Variants in MAPK13 observed in about 807,000 individuals in gnomAD.
MAPK13 encodes MAP kinase 13.
In MAPK13, 39 loss-of-function variants were observed where a neutral mutation model predicts 53.5. That is an observed-to-expected ratio of 0.73 (90% confidence interval 0.56 to 0.95). The LOEUF (loss-of-function observed/expected upper bound fraction) is 0.95, where lower values mean the gene tolerates loss of function less well. Among genes scored for constraint, MAPK13 ranks in the 40% least tolerant of loss-of-function variants. The pLI, the probability that MAPK13 is intolerant of heterozygous loss-of-function variation, is 0.00. For synonymous variants in MAPK13, 179 were observed against 190.9 expected (o/e 0.94, Z 0.51); for missense variants, 460 against 471.8 (o/e 0.98, Z 0.23).
intron 3 of MAPK13, among the ~76,000 whole-genome samples, chr6:36,133,752 G>A (rs778386821): frequency 1.3e-5 from 2 of 152,156 alleles, no homozygotes; most frequent in African/African-American, 2.4e-5. Flanking sequence ...GCTGACACCC[G>A]GGAACAGATA....
In MAPK13 at chr6:36,142,389, CCTCCATTCTCCT is replaced by C. The variant is rs1005812451; in HGVS notation, c.*3029_*3040del. 8.5e-5 allele frequency: 13 copies of C among 152,614 alleles called. No individual in the cohort carries two copies. The highest frequency in any genetic ancestry group is 2.4e-4 in the African/African-American group (10 of 41,564). 9.5% of individuals were successfully genotyped at this position (152,614 alleles called of 1,614,324 possible). ...CTTTTAGTGCCCGTGCGTGGAAGGC[CCTCCATTCTCCT>C]CTCCATTCTCCTTGGCCTTCAAGGC... On this transcript the variant is annotated 3_prime_UTR_variant, in exon 12 of 12. Transcript: ENST00000211287. The surrounding 1 kb of genome is among the most constrained non-coding windows in gnomAD (Gnocchi z 4.4).
chr6:36,131,123 C>T, intron 1 of MAPK13, 148 bp from the exon 2 acceptor site: 3 of 903,542 alleles, frequency 3.3e-6, no homozygotes, highest in African/African-American at 1.7e-5. Context: ...CTTCCTACTC[C>T]CTGCCCTGCG....
rs1766410352 is a variant in MAPK13 at position 36,136,015 on chromosome 6, A to G, written c.418-4A>G. ...GGACTCACCCTTCTCTCTCTCCCAC[A>G]TAGTACATCCACTCTGCTGGGGTCG... On this transcript the variant is annotated splice_region_variant and splice_polypyrimidine_tract_variant and intron_variant, in intron 4 of 11. Transcript: ENST00000211287. 1.2e-6 allele frequency: 2 copies of G among 1,613,940 alleles called. No individual in the cohort carries two copies. Among genetic ancestry groups the G allele is most frequent in the African/African-American group, 1.3e-5 (1 of 74,900 alleles).
chr6:36,137,141 G>T (rs762399209), intron 8 of MAPK13, among the ~76,000 whole-genome samples, 191 bp downstream of exon 8: 3 of 151,830 alleles, frequency 2.0e-5, no homozygotes, highest in Admixed American at 1.3e-4. Context: ...AGGCTGAGGT[G>T]GAAGGATCCT....
chr6:36,131,156 A>C, intron 1 of MAPK13, 115 bp from the exon 2 acceptor site: 5 of 1,229,114 alleles, frequency 4.1e-6, no homozygotes, highest in Admixed American at 2.9e-5. Flanking sequence ...CCCATATTCT[A>C]GGTGGTGGGC....
Position 36,139,377 on chromosome 6 carries a change from C to T in MAPK13, c.*4C>T. 6.2e-7 allele frequency: 1 copy of T among 1,613,746 alleles called. No homozygotes were observed. The highest frequency in any genetic ancestry group is 8.5e-7 in the Non-Finnish European group (1 of 1,179,740). The stretch of plus-strand genomic sequence containing the variant: ...CCGGAGTGGCATGAAGCTGTAGGGA[C>T]TCATCTTGCATGGCACCGCCGGCCA... On this transcript the variant is annotated 3_prime_UTR_variant, in exon 12 of 12. Coordinates refer to ENST00000211287, the MANE Select transcript of MAPK13 (RefSeq NM_002754.5).
At chr6:36,139,080 C>T in intron 11 of MAPK13, 25 bp downstream of exon 11, 2 of 1,554,690 alleles carry the variant, frequency 1.3e-6, no homozygotes, top group Non-Finnish European at 8.7e-7. Flanking sequence ...CTCGGGCTTC[C>T]TCGCCTCCGC....
rs1766495999 is a variant in MAPK13, at chr6:36,139,700, T to A, written c.*327T>A. On this transcript the variant is annotated 3_prime_UTR_variant, in exon 12 of 12. Transcript: ENST00000211287. ...TGATGCTGTGTTGGTTTCCTAGGGA[T>A]GCTCTAACGAATTACCACAAACCTG... is the stretch of plus-strand genomic sequence containing the variant. The A allele has an allele frequency of 3.3e-6, 1 of 307,142 alleles. No homozygotes were observed. The highest frequency in any genetic ancestry group is 6.2e-6 in the Non-Finnish European group (1 of 161,942). 19.0% of individuals were successfully genotyped at this position (307,142 alleles called of 1,614,324 possible).
At position 36,131,356 on chromosome 6, in the gene MAPK13, G is replaced by A. The variant is rs774015147; in HGVS notation, c.205G>A (p.Ala69Thr). 1.2e-6 allele frequency: 2 copies of A among 1,613,742 alleles called. No homozygotes were observed. The highest frequency in any genetic ancestry group is 2.7e-5 in the African/African-American group (2 of 74,912). Residue 69 changes from alanine (A) to threonine (T), a missense_variant, in exon 2 of 12, where the codon GCC becomes ACC. Coordinates refer to ENST00000211287, the MANE Select transcript of MAPK13 (RefSeq NM_002754.5). Reference sequence around the variant, plus strand: ...TCAGTCCGAGATCTTCGCCAAGCGCGCCTACCGGGAGCTGCTGCTGCTGAA... The same window carrying A: ...TCAGTCCGAGATCTTCGCCAAGCGCACCTACCGGGAGCTGCTGCTGCTGAA... ...PFQSEIFAKR[A>T]YRELLLLKHM...
intron 3 of MAPK13, 65 bp downstream of exon 3, chr6:36,132,744 G>T (rs1236527295): frequency 8.3e-6 from 13 of 1,558,384 alleles, no homozygotes; most frequent in South Asian, 1.1e-5. Flanking sequence ...GGAGCAAGGT[G>T]GGGGAGGGTC....
chr6:36,132,553 A>C, intron 2 of MAPK13, 68 bp from the exon 3 acceptor site: 12 of 1,413,578 alleles, frequency 8.5e-6, no homozygotes, highest in Non-Finnish European at 1.2e-5. Flanking sequence ...GTGCATGGCC[A>C]GGGCCCAGGA....
rs751288388 is a variant in MAPK13, at chr6:36,136,475, TC to T, written c.448-3del. ...TCAGCCTAGCATGCATTCTCTGTCC[TC>T]CCCCCAGGACCTGAAGCCAGGCAAC... is the stretch of plus-strand genomic sequence containing the variant. On this transcript the variant is annotated splice_region_variant and splice_polypyrimidine_tract_variant and intron_variant, in intron 5 of 11. Coordinates refer to ENST00000211287, the MANE Select transcript of MAPK13 (RefSeq NM_002754.5). 3.2e-6 allele frequency: 5 copies of T among 1,584,366 alleles called. No homozygotes were observed. Among genetic ancestry groups the T allele is most frequent in the South Asian group, 2.3e-5 (2 of 85,370 alleles).
rs954797819 is a variant in MAPK13, at chr6:36,142,836, T to A, written c.*3463T>A. On this transcript the variant is annotated 3_prime_UTR_variant, in exon 12 of 12. Transcript: ENST00000211287. This position sits in a 1 kb window ranked among gnomAD's most constrained non-coding sequence, Gnocchi z 4.4. The stretch of plus-strand genomic sequence containing the variant: ...GTTTTCTCAAATCTGTGAAGTTTCT[T>A]CAAAAGGCGGTGGAGGTGCTCAGCA... 52 of 146,592 alleles carry A rather than the reference T, an allele frequency of 3.5e-4. No individual in the cohort carries two copies. Among genetic ancestry groups the A allele is most frequent in the African/African-American group, 1.2e-3 (48 of 40,482 alleles). The allele number at this position is 146,592 out of a possible 1,614,324, so 9.1% of individuals were successfully genotyped here. A position where few individuals can be genotyped will look rare whatever the true frequency, so the allele number is the denominator to read the frequency against.
chr6:36,135,780 G>A lies in MAPK13; in HGVS notation c.336G>A (p.Thr112=), dbSNP rs61730659. ...ACCTGGTGATGCCCTTCATGCAGAC[G>A]GATCTGCAGAAGATCATGGGGATGG... ...DFYLVMPFMQ[T]DLQKIMGMEF... The change falls in exon 4 of 12, where the codon ACG becomes ACA. Residue 112 remains threonine (T), a synonymous_variant. Coordinates refer to ENST00000211287, the MANE Select transcript of MAPK13 (RefSeq NM_002754.5). 7.2e-4 allele frequency: 1,165 copies of A among 1,613,684 alleles called. 10 individuals carry two copies. In the African/African-American group the frequency reaches 0.014, roughly 19 times the overall value.
rs768764949 is a variant in MAPK13 at position 36,136,483 on chromosome 6, G to C, written c.448-1G>C. ...GCATGCATTCTCTGTCCTCCCCCCA[G>C]GACCTGAAGCCAGGCAACCTGGCTG... On this transcript the variant is annotated splice_acceptor_variant, in intron 5 of 11. Transcript: ENST00000211287. LOFTEE classifies it high-confidence loss of function. The C allele has an allele frequency of 6.3e-7, 1 of 1,594,126 alleles. No homozygotes were observed. The highest frequency in any genetic ancestry group is 1.1e-5 in the South Asian group (1 of 87,304).
At chr6:36,135,913 G>C in intron 4 of MAPK13, 52 bp downstream of exon 4, 1 of 1,596,578 alleles carries the variant, frequency 6.3e-7, no homozygotes, top group Non-Finnish European at 8.6e-7. Flanking sequence ...GTCTAGACCT[G>C]AGGTTTGGGG....
intron 3 of MAPK13, among the ~76,000 whole-genome samples, chr6:36,135,364 T>G (rs1766395372): frequency 6.6e-6 from 1 of 152,192 alleles, no homozygotes; most frequent in Admixed American, 6.5e-5. Flanking sequence ...GGCATGACCC[T>G]CTGAGGGATC....
intron 5 of MAPK13, 142 bp from the exon 6 acceptor site, chr6:36,136,342 C>A: frequency 1.4e-6 from 1 of 731,810 alleles, no homozygotes; most frequent in Non-Finnish European, 2.2e-6. Context: ...AACACCTAGT[C>A]CAACCCTCAT....
In MAPK13 at chr6:36,134,426, T is replaced by C. The variant is rs374906311; in HGVS notation, c.309-1327T>C. ...ATTTATTATATTCTAGAGATAGGGC[T>C]GGGTTGCCCAGACTGGAGTGCAGTG... On this transcript the variant is annotated intron_variant, in intron 3 of 11. Coordinates refer to ENST00000211287, the MANE Select transcript of MAPK13 (RefSeq NM_002754.5). Among the ~76,000 whole-genome samples, 16 of 152,356 alleles carry C rather than the reference T, an allele frequency of 1.1e-4. 1 individual carries two copies. The East Asian group carries it at 2.9e-3, about 28-fold the overall frequency.
Sources: allele counts gnomAD v4.1 joint callset (sites outside exome capture counted in the v4.1 genomes callset), GRCh38; gene constraint gnomAD v4.1.1; non-coding constraint Gnocchi (gnomAD v3.1); transcripts MANE v1.5; gene names NCBI Gene and HGNC (gene_info 2026-07-23, HGNC 2026-07-21).